Variants in ARVCF observed in about 807,000 individuals in gnomAD.
The protein encoded by ARVCF is splicing regulator ARVCF.
ARVCF carries 66 observed loss-of-function variants against 90.9 expected under a neutral mutation model. The ratio of observed to expected loss-of-function variants is 0.73; its 90% confidence interval spans 0.60 to 0.89. The LOEUF is 0.89. Among genes scored for constraint, ARVCF ranks in the 40% least tolerant of loss-of-function variants. ARVCF has a pLI of 0.00. For synonymous variants in ARVCF, 653 were observed against 603.4 expected (o/e 1.08, Z -1.21); for missense variants, 1,469 against 1,382.3 (o/e 1.06, Z -1.00).
At position 19,970,390 on chromosome 22, in the gene ARVCF, A is replaced by G; in HGVS notation, c.*366T>C. ...CAGACCTGGCCCGCACCACTGGGGC[A>G]CTGTGTTCCCAGGGGCACCCTCCTA... On this transcript the variant is annotated 3_prime_UTR_variant, in exon 20 of 20. Transcript: ENST00000263207. 1 of 1,039,844 alleles carries G rather than the reference A, an allele frequency of 9.6e-7. No individual in the cohort carries two copies. The highest frequency in any genetic ancestry group is 1.2e-6 in the Non-Finnish European group (1 of 860,594). The allele number at this position is 1,039,844 out of a possible 1,614,324, so 64.4% of individuals were successfully genotyped here.
Position 19,971,257 on chromosome 22 carries a change from TAGCGTCCCCTAC to T in ARVCF, c.2848_2859del (p.Val950_Ala953del), listed in dbSNP as rs1942756951. ...ACCCAGGAATCAACGGGCTGAGGCT[TAGCGTCCCCTAC>T]GGCGTCCACCAGCCTGACCGCGGGC... On this transcript the variant is annotated inframe_deletion, in exon 19 of 20. Transcript: ENST00000263207. The T allele has an allele frequency of 6.4e-7, 1 of 1,555,862 alleles. No homozygotes were observed. The highest frequency in any genetic ancestry group is 1.9e-5 in the Admixed American group (1 of 51,714).
chr22:19,992,591 C>G (rs1944070133), intron 2 of ARVCF, among the ~76,000 whole-genome samples: 1 of 152,208 alleles, frequency 6.6e-6, no homozygotes, highest in African/African-American at 2.4e-5. Context: ...TCACTCCAGC[C>G]CTCAGCCCAG....
At chr22:19,976,581 A>G (rs1261148271) in intron 10 of ARVCF, 125 bp downstream of exon 10, 1 of 1,312,748 alleles carries the variant, frequency 7.6e-7, no homozygotes, top group Non-Finnish European at 1.0e-6. Context: ...CCACTGTCAT[A>G]AAGATGGCAG....
At chr22:19,979,133 C>A in intron 6 of ARVCF, 53 bp from the exon 7 acceptor site, 1 of 1,569,068 alleles carries the variant, frequency 6.4e-7, no homozygotes, top group Non-Finnish European at 8.7e-7. Context: ...GCCTGCCTAC[C>A]TCCCCAGGTG....
intron 3 of ARVCF, chr22:19,987,211 C>CG: frequency 3.1e-6 from 1 of 325,386 alleles, no homozygotes; most frequent in Non-Finnish European, 5.6e-6. Context: ...CCCGCGGGGG[C>CG]GGATCTGGCG....
chr22:20,009,595 G>A (rs978552430), intron 2 of ARVCF, among the ~76,000 whole-genome samples: 1 of 152,180 alleles, frequency 6.6e-6, no homozygotes, highest in African/African-American at 2.4e-5. Context: ...GAATGGCCAG[G>A]AGCCATTCTC....
At chr22:19,973,824 A>C in intron 12 of ARVCF, 31 bp from the exon 13 acceptor site, 2 of 1,586,406 alleles carry the variant, frequency 1.3e-6, no homozygotes, top group Non-Finnish European at 1.7e-6. Context: ...TTGCTCAGAC[A>C]TACATGCCAG....
intron 11 of ARVCF, among the ~76,000 whole-genome samples, 153 bp downstream of exon 11, chr22:19,975,533 T>G (rs1310006851): frequency 6.6e-6 from 1 of 152,178 alleles, no homozygotes; most frequent in Non-Finnish European, 1.5e-5. Context: ...TGGTGCTGAA[T>G]CACCCTCCAG....
rs531587643 is a variant in ARVCF, at chr22:19,993,579, G to C, written c.-18-2767C>G. On this transcript the variant is annotated intron_variant, in intron 2 of 19. Transcript: ENST00000263207. ...CTTGGCCTCCCCTAACCTGGTAAGG[G>C]CCCAGCATTGCCTTGTCGGGTGGAC... 3.3e-5 allele frequency among the ~76,000 whole-genome samples: 5 copies of C among 152,316 alleles called. 1 individual carries two copies. The South Asian group carries it at 1.0e-3, about 32-fold the overall frequency.
intron 2 of ARVCF, among the ~76,000 whole-genome samples, chr22:19,995,673 G>C (rs149959706): frequency 6.6e-6 from 1 of 152,196 alleles, no homozygotes; most frequent in African/African-American, 2.4e-5. Flanking sequence ...TGTGGGTTGA[G>C]GAATTAGAGG....
At chr22:19,972,539 G>C in intron 16 of ARVCF, 128 bp from the exon 17 acceptor site, 2 of 1,281,876 alleles carry the variant, frequency 1.6e-6, no homozygotes, top group East Asian at 2.5e-5. Context: ...ACCTCTGCCA[G>C]CTGGCAGCCT....
At chr22:20,006,716 C>T (rs571187831) in intron 2 of ARVCF, among the ~76,000 whole-genome samples, 8 of 151,686 alleles carry the variant, frequency 5.3e-5, no homozygotes, top group Admixed American at 3.9e-4. Flanking sequence ...ACTGCAACTT[C>T]CGCCTCCTGG....
chr22:19,995,794 T>C (rs1467839827), intron 2 of ARVCF, among the ~76,000 whole-genome samples: 1 of 151,678 alleles, frequency 6.6e-6, no homozygotes, highest in Non-Finnish European at 1.5e-5. Context: ...GGCCCCCCCC[T>C]CGAGGGGAGA....
At chr22:19,971,359 G>T in intron 18 of ARVCF, 24 bp from the exon 19 acceptor site, 1 of 1,546,220 alleles carries the variant, frequency 6.5e-7, no homozygotes, top group Non-Finnish European at 8.7e-7. Flanking sequence ...GTGGGCATTA[G>T]AGGCACAATA....
At chr22:20,013,000 G>A (rs1416909647) in intron 1 of ARVCF, among the ~76,000 whole-genome samples, 2 of 152,248 alleles carry the variant, frequency 1.3e-5, no homozygotes, top group Non-Finnish European at 2.9e-5. Flanking sequence ...GGCCTCAGCA[G>A]GCCACCCCCT....
At chr22:19,998,585 G>A (rs1334685124) in intron 2 of ARVCF, among the ~76,000 whole-genome samples, 1 of 152,182 alleles carries the variant, frequency 6.6e-6, no homozygotes, top group East Asian at 1.9e-4. Flanking sequence ...AGACAGCACC[G>A]AGAAGCCTCT....
rs557144001 is a variant in ARVCF, at chr22:19,986,785, G to A, written c.210+3800C>T. ...AAGAAGCGTCCATCCGGTCCGGGCC[G>A]GTGCCAAGAGGAGGGTCAAACTGCC... On this transcript the variant is annotated intron_variant, in intron 3 of 19. Transcript: ENST00000263207. The A allele has an allele frequency of 3.2e-5, 12 of 376,892 alleles. No homozygotes were observed. The South Asian group carries it at 6.2e-4, about 19-fold the overall frequency. The allele number at this position is 376,892 out of a possible 1,614,324, so 23.3% of individuals were successfully genotyped here.
chr22:20,003,398 C>T (rs1488649701), intron 2 of ARVCF, among the ~76,000 whole-genome samples: 1 of 152,108 alleles, frequency 6.6e-6, no homozygotes, highest in African/African-American at 2.4e-5. Context: ...CAGGAAAAGA[C>T]ACTACAAGAA....
chr22:19,976,622 G>T, intron 10 of ARVCF, 84 bp downstream of exon 10: 2 of 1,509,462 alleles, frequency 1.3e-6, no homozygotes, highest in Non-Finnish European at 9.0e-7. Flanking sequence ...GTGGGGCAGG[G>T]CCCTGGGGCT....
Sources: gnomAD v4.1 joint callset for allele counts (sites outside exome capture counted in the v4.1 genomes callset) on GRCh38, gnomAD v4.1.1 for gene constraint, MANE v1.5 for transcripts, NCBI Gene and HGNC (gene_info 2026-07-23, HGNC 2026-07-21) for gene names.